The following SPMIP2 variants were observed in gnomAD, a reference collection of about 807,000 sequenced individuals.
The protein encoded by SPMIP2 is sperm microtubule inner protein 2.
the SPMIP2 span, among the ~76,000 whole-genome samples, chr4:158,996,021 C>T: frequency 2.0e-5 from 3 of 152,218 alleles, no homozygotes; most frequent in Non-Finnish European, 2.9e-5. Flanking sequence ...ACAGTTAACC[C>T]GTTTTTCGTC....
the SPMIP2 span, among the ~76,000 whole-genome samples, chr4:158,942,676 CT>C: frequency 6.6e-6 from 1 of 152,126 alleles, no homozygotes. Flanking sequence ...ACTTGAGAAG[CT>C]GAGGCACGAG....
the SPMIP2 span, among the ~76,000 whole-genome samples, chr4:158,948,671 G>A: frequency 6.6e-6 from 1 of 151,552 alleles, no homozygotes; most frequent in African/African-American, 2.4e-5. Context: ...CTGGAGGGCA[G>A]TGGGATGTTT....
the SPMIP2 span, among the ~76,000 whole-genome samples, chr4:159,038,241 T>A: frequency 6.6e-6 from 1 of 152,252 alleles, no homozygotes; most frequent in Non-Finnish European, 1.5e-5. Flanking sequence ...ATCATGGTTA[T>A]GCCATTTTGT....
At chr4:158,920,199 C>T in the SPMIP2 span, among the ~76,000 whole-genome samples, 19 of 152,256 alleles carry the variant, frequency 1.2e-4, no homozygotes, top group Non-Finnish European at 1.9e-4. Flanking sequence ...TGAGGATGTA[C>T]GTCACCTCAG....
the SPMIP2 span, among the ~76,000 whole-genome samples, chr4:159,061,983 G>T: frequency 7.6e-3 from 1,160 of 152,300 alleles, 36 homozygotes; most frequent in Admixed American, 0.018. Flanking sequence ...AAGGTTGGCA[G>T]TGACCAGAGA....
chr4:159,061,327 A>G, the SPMIP2 span, among the ~76,000 whole-genome samples: 1 of 151,720 alleles, frequency 6.6e-6, no homozygotes, highest in Non-Finnish European at 1.5e-5. Context: ...TTCAGACCCA[A>G]TGCCTACAGT....
the SPMIP2 span, among the ~76,000 whole-genome samples, chr4:158,951,847 A>T: frequency 1.3e-5 from 2 of 152,196 alleles, no homozygotes; most frequent in African/African-American, 4.8e-5. Flanking sequence ...TTGCTCAGTG[A>T]TTTCAGAACC....
chr4:158,925,286 G>T, the SPMIP2 span, among the ~76,000 whole-genome samples: 1 of 152,034 alleles, frequency 6.6e-6, no homozygotes, highest in African/African-American at 2.4e-5. Context: ...TCTTTCTACG[G>T]ATTTATCAAT....
chr4:159,029,882 A>T, the SPMIP2 span, among the ~76,000 whole-genome samples: 1 of 152,196 alleles, frequency 6.6e-6, no homozygotes, highest in Non-Finnish European at 1.5e-5. Context: ...TTGGCACTCA[A>T]TTTGTTAAAT....
the SPMIP2 span, among the ~76,000 whole-genome samples, chr4:158,988,658 T>TTA: frequency 1.9e-4 from 29 of 152,310 alleles, no homozygotes; most frequent in African/African-American, 6.7e-4. Flanking sequence ...TCTCAATAGA[T>TTA]GCAGAAAAGG....
the SPMIP2 span, among the ~76,000 whole-genome samples, chr4:158,910,609 T>C: frequency 6.6e-6 from 1 of 152,206 alleles, no homozygotes; most frequent in Admixed American, 6.5e-5. Context: ...GAGATTAATA[T>C]TTAAGTCAGT....
chr4:158,906,855 C>T, the SPMIP2 span: 1 of 152,082 alleles, frequency 6.6e-6, no homozygotes, highest in African/African-American at 2.4e-5. Context: ...GCTCACACGC[C>T]GTACACCACC....
At chr4:158,966,704 CA>C in the SPMIP2 span, among the ~76,000 whole-genome samples, 5 of 152,162 alleles carry the variant, frequency 3.3e-5, no homozygotes, top group African/African-American at 1.2e-4. Flanking sequence ...CAAGCCTTAA[CA>C]AGAGTTCATA....
chr4:159,072,408 T>C, the SPMIP2 span, among the ~76,000 whole-genome samples: 1 of 152,164 alleles, frequency 6.6e-6, no homozygotes, highest in Non-Finnish European at 1.5e-5. Context: ...TGATCTTTTC[T>C]GTTATAGTGT....
At chr4:159,052,145 T>C in the SPMIP2 span, among the ~76,000 whole-genome samples, 1 of 152,134 alleles carries the variant, frequency 6.6e-6, no homozygotes, top group Non-Finnish European at 1.5e-5. Flanking sequence ...GCCAAGTACA[T>C]AGAGCTAAAG....
At chr4:159,049,341 C>G in the SPMIP2 span, among the ~76,000 whole-genome samples, 2 of 152,182 alleles carry the variant, frequency 1.3e-5, no homozygotes, top group Admixed American at 1.3e-4. Flanking sequence ...ACCACAATAG[C>G]TTTGAAAATG....
At chr4:158,932,591 C>A in the SPMIP2 span, among the ~76,000 whole-genome samples, 826 of 152,160 alleles carry the variant, frequency 5.4e-3, 5 homozygotes, top group African/African-American at 0.017. Context: ...TGTGTATGGG[C>A]CATTTCTCAT....
chr4:158,984,686 A>T, the SPMIP2 span, among the ~76,000 whole-genome samples: 1 of 152,168 alleles, frequency 6.6e-6, no homozygotes, highest in Non-Finnish European at 1.5e-5. Flanking sequence ...AGCAGGAAAG[A>T]TCCAAAATTG....
chr4:158,964,150 C>CACAAAACAAAACAAA, the SPMIP2 span, among the ~76,000 whole-genome samples: 3,853 of 79,434 alleles, frequency 0.049, 233 homozygotes, highest in African/African-American at 0.11. Context: ...GTGAGACTAT[C>CACAAAACAAAACAAA]TCAAAACAAA....
Sources: allele counts gnomAD v4.1 joint callset (sites outside exome capture counted in the v4.1 genomes callset), GRCh38; gene constraint gnomAD v4.1.1; transcripts MANE v1.5; gene names NCBI Gene and HGNC (gene_info 2026-07-23, HGNC 2026-07-21).